HNRNPUL1: variants seen among roughly 807,000 people sequenced by gnomAD.
HNRNPUL1 encodes heterogeneous nuclear ribonucleoprotein U-like protein 1.
Under a neutral mutation model 108.5 loss-of-function variants are expected in HNRNPUL1, and 14 were observed. The observed-to-expected ratio is 0.13, with a 90% CI of 0.09 to 0.20. The LOEUF (loss-of-function observed/expected upper bound fraction) is 0.20. Among genes scored for constraint, HNRNPUL1 ranks in the 10% least tolerant of loss-of-function variants. HNRNPUL1 has a pLI of 1.00. For synonymous variants in HNRNPUL1, 422 were observed against 445.2 expected, an observed-to-expected ratio of 0.95 and a Z score of 0.66; for missense variants, 804 against 1,168.3, an observed-to-expected ratio of 0.69 and a Z score of 4.55.
chr19:41,302,944 G>T lies in HNRNPUL1; in HGVS notation c.1967G>T (p.Arg656Leu), dbSNP rs758267128. ...GGCAGCGGTGGAGGAGGCAACTACCGAGGAGGTGAGACATCTCACACACAG... is the reference window on the plus strand; with the variant it reads ...GGCAGCGGTGGAGGAGGCAACTACCTAGGAGGTGAGACATCTCACACACAG... The part of the protein sequence containing the change: ...GGGSGGGGNY[R>L]GGFNRSGGGG... The change falls in exon 12 of 15, where the codon CGA (arginine) becomes CTA (leucine). Residue 656 changes from arginine (R) to leucine (L), a missense_variant. Transcript: ENST00000392006. The T allele has an allele frequency of 1.3e-6, 2 of 1,524,142 alleles. No individual in the cohort carries two copies. Among genetic ancestry groups the T allele is most frequent in the African/African-American group, 1.4e-5 (1 of 71,758 alleles). The allele number at this position is 1,524,142 out of a possible 1,614,324, so 94.4% of individuals were successfully genotyped here.
chr19:41,288,143 A>T (rs1450601120), intron 7 of HNRNPUL1, among the ~76,000 whole-genome samples: 1 of 40,684 alleles, frequency 2.5e-5, no homozygotes, highest in African/African-American at 9.5e-5. Context: ...CTCCCGCCCC[A>T]CCCATTTTTC....
At chr19:41,301,864 A>G (rs1484438572) in intron 11 of HNRNPUL1, 160 bp downstream of exon 11, 2 of 675,594 alleles carry the variant, frequency 3.0e-6, no homozygotes, top group East Asian at 5.9e-5. Context: ...CACAGCTGTG[A>G]ATGGAAAAGC....
chr19:41,299,382 A>G (rs952502152), intron 10 of HNRNPUL1, among the ~76,000 whole-genome samples: 5 of 152,192 alleles, frequency 3.3e-5, no homozygotes, highest in African/African-American at 1.2e-4. Flanking sequence ...TTTGTGCTGG[A>G]GTCCTTGGCC....
At chr19:41,265,219 G>T in intron 1 of HNRNPUL1, 3 of 1,519,578 alleles carry the variant, frequency 2.0e-6, no homozygotes, top group Non-Finnish European at 2.6e-6. Flanking sequence ...TGTGGGCTGG[G>T]GGGTGGGGAG....
chr19:41,265,283 C>G, intron 1 of HNRNPUL1: 1 of 1,473,990 alleles, frequency 6.8e-7, no homozygotes, highest in Non-Finnish European at 9.0e-7. Context: ...TGCGAGAGTT[C>G]TGAGGAAGGA....
chr19:41,281,116 T>C (rs1466518498), intron 6 of HNRNPUL1, 47 bp from the exon 7 acceptor site: 4 of 1,223,932 alleles, frequency 3.3e-6, no homozygotes, highest in Non-Finnish European at 3.6e-6. Context: ...TTGAGGCTGT[T>C]ATGACCATCG....
At chr19:41,283,014 T>C (rs2035997127) in intron 7 of HNRNPUL1, among the ~76,000 whole-genome samples, 1 of 152,154 alleles carries the variant, frequency 6.6e-6, no homozygotes, top group South Asian at 2.1e-4. Context: ...ATAAATATAT[T>C]GGAAACTTCT....
chr19:41,264,730 C>T lies in HNRNPUL1; in HGVS notation c.227C>T (p.Ala76Val), dbSNP rs1599753711. 7.0e-7 allele frequency: 1 copy of T among 1,420,180 alleles called. No individual in the cohort carries two copies. 88.0% of individuals were successfully genotyped at this position (1,420,180 alleles called of 1,614,324 possible). A position where few individuals can be genotyped will look rare whatever the true frequency, so the allele number is the denominator to read the frequency against. The change falls in exon 1 of 15, where the codon GCG (alanine) becomes GTG (valine). Residue 76 changes from alanine (A) to valine (V), a missense_variant. Physicochemically the swap from Ala to Val is moderately conservative, Grantham distance 64. Coordinates refer to ENST00000392006, the MANE Select transcript of HNRNPUL1 (RefSeq NM_007040.6). ...GGGGGCTCCGAGCTGGAGGGGACCGCGCAGCCACCGCCGCCCGGGCTGCAG... is the reference window on the plus strand; with the variant it reads ...GGGGGCTCCGAGCTGGAGGGGACCGTGCAGCCACCGCCGCCCGGGCTGCAG... ...TEGGSELEGT[A>V]QPPPPGLQPH...
chr19:41,268,191 CT>C, intron 1 of HNRNPUL1, 31 bp from the exon 2 acceptor site: 1 of 1,609,010 alleles, frequency 6.2e-7, no homozygotes, highest in African/African-American at 1.3e-5. Context: ...TGAACCGCCC[CT>C]CTAATTGGCC....
Position 41,292,565 on chromosome 19 carries a change from C to G in HNRNPUL1, c.1266+54C>G, listed in dbSNP as rs1599832030. On this transcript the variant is annotated intron_variant, in intron 8 of 14. Coordinates refer to ENST00000392006, the MANE Select transcript of HNRNPUL1 (RefSeq NM_007040.6). This position sits in a 1 kb window ranked among gnomAD's most constrained non-coding sequence, Gnocchi z 4.1. The stretch of plus-strand genomic sequence containing the variant: ...CACCTTGCTGCCAAGACAGAGGAGA[C>G]ACACACACACACACACACACAGACT... 1.1e-5 allele frequency: 4 copies of G among 349,314 alleles called. No individual in the cohort carries two copies. The highest frequency in any genetic ancestry group is 5.5e-5 in the South Asian group (1 of 18,282). The allele number at this position is 349,314 out of a possible 1,614,324, so 21.6% of individuals were successfully genotyped here.
chr19:41,292,434 T>A lies in HNRNPUL1; in HGVS notation c.1189T>A (p.Phe397Ile). The A allele has an allele frequency of 6.2e-7, 1 of 1,614,096 alleles. No homozygotes were observed. The highest frequency in any genetic ancestry group is 8.5e-7 in the Non-Finnish European group (1 of 1,180,012). Residue 397 changes from phenylalanine to isoleucine, a missense_variant, in exon 8 of 15, where the codon TTT becomes ATT. This residue lies in a region of HNRNPUL1 where 174 missense variants were observed against 296.6 expected (regional missense o/e 0.59). Transcript: ENST00000392006. This position sits in a 1 kb window ranked among gnomAD's most constrained non-coding sequence, Gnocchi z 4.1. ...AEPYCSVLPG[F>I]TFIQHLPLSE... Reference sequence around the variant, plus strand: ...GCCCTACTGTTCTGTCCTCCCGGGGTTTACCTTCATCCAGCACCTTCCCCT... The same window carrying A: ...GCCCTACTGTTCTGTCCTCCCGGGGATTACCTTCATCCAGCACCTTCCCCT...
At chr19:41,303,013 G>C in intron 12 of HNRNPUL1, 64 bp downstream of exon 12, 1 of 1,473,914 alleles carries the variant, frequency 6.8e-7, no homozygotes, top group Non-Finnish European at 9.0e-7. Flanking sequence ...GGCTTTGACT[G>C]CTTATTCAAT....
chr19:41,266,765 T>C (rs2034875106), intron 1 of HNRNPUL1, among the ~76,000 whole-genome samples: 1 of 152,066 alleles, frequency 6.6e-6, no homozygotes, highest in Non-Finnish European at 1.5e-5. Context: ...GGATTTGGGG[T>C]TGGAATTGGA....
intron 7 of HNRNPUL1, among the ~76,000 whole-genome samples, chr19:41,290,597 C>T (rs1260993300): frequency 6.6e-6 from 1 of 152,208 alleles, no homozygotes; most frequent in Non-Finnish European, 1.5e-5. Context: ...TCCTTGTGTG[C>T]TCACTGTGTA....
chr19:41,302,585 C>A, intron 11 of HNRNPUL1, 80 bp from the exon 12 acceptor site: 2 of 1,561,346 alleles, frequency 1.3e-6, no homozygotes, highest in African/African-American at 1.4e-5. Flanking sequence ...GAAGGCCACT[C>A]TTCTGGGTGG....
At chr19:41,266,303 T>G (rs892165156) in intron 1 of HNRNPUL1, among the ~76,000 whole-genome samples, 2 of 151,846 alleles carry the variant, frequency 1.3e-5, no homozygotes, top group Non-Finnish European at 2.9e-5. Flanking sequence ...TCTGGTGGTG[T>G]GCGCCTGTAG....
intron 10 of HNRNPUL1, 114 bp from the exon 11 acceptor site, chr19:41,301,422 T>C (rs1456210924): frequency 1.2e-6 from 1 of 813,076 alleles, no homozygotes; most frequent in East Asian, 2.7e-5. Context: ...GTTTCTCTGC[T>C]TACAAGGAGC....
chr19:41,288,138 G>A (rs1402508978), intron 7 of HNRNPUL1, among the ~76,000 whole-genome samples: 1 of 47,514 alleles, frequency 2.1e-5, no homozygotes, highest in Non-Finnish European at 4.3e-5. Flanking sequence ...CCCCCCTCCC[G>A]CCCCACCCAT....
At chr19:41,297,759 G>C (rs2036974103) in intron 10 of HNRNPUL1, among the ~76,000 whole-genome samples, 1 of 152,188 alleles carries the variant, frequency 6.6e-6, no homozygotes, top group African/African-American at 2.4e-5. Context: ...GGCTGGATGG[G>C]TTGACGTCAC....
Sources: gnomAD v4.1 joint callset for allele counts (sites outside exome capture counted in the v4.1 genomes callset) on GRCh38, gnomAD v4.1.1 for gene constraint, gnomAD v4.1.1 regional missense constraint, Gnocchi (gnomAD v3.1) non-coding constraint, MANE v1.5 for transcripts, NCBI Gene and HGNC (gene_info 2026-07-23, HGNC 2026-07-21) for gene names.